Variants in AUTS2 observed in about 807,000 individuals in gnomAD.
AUTS2 encodes activator of transcription and developmental regulator AUTS2.
Under a neutral mutation model 112.4 loss-of-function variants are expected in AUTS2, and 17 were observed. The ratio of observed to expected loss-of-function variants is 0.15; its 90% CI spans 0.10 to 0.23. AUTS2 has a LOEUF of 0.23. Ranked by LOEUF, AUTS2 falls within the 10% of genes least tolerant of loss-of-function variation. The probability of loss-of-function intolerance (pLI) is 1.00; values close to 1 mark genes in which losing one functional copy is unlikely to be tolerated. For missense variants in AUTS2, 1,510 were observed against 1,701.6 expected (o/e 0.89, Z 1.98); for synonymous variants, 751 against 702.7 (o/e 1.07, Z -1.09).
At chr7:69,985,227 T>TC (rs1470693399) in intron 2 of AUTS2, among the ~76,000 whole-genome samples, 8 of 104,716 alleles carry the variant, frequency 7.6e-5, no homozygotes, top group African/African-American at 2.6e-4. Flanking sequence ...GAAGACTCTC[T>TC]AAAAAAAAAA....
chr7:70,791,574 T>C lies in AUTS2; in HGVS notation c.*578T>C, dbSNP rs1791965764. 1 of 152,680 alleles carries C rather than the reference T, an allele frequency of 6.5e-6. No homozygotes were observed. The highest frequency in any genetic ancestry group is 1.5e-5 in the Non-Finnish European group (1 of 68,054). 9.5% of individuals were successfully genotyped at this position (152,680 alleles called of 1,614,324 possible). On this transcript the variant is annotated 3_prime_UTR_variant, in exon 19 of 19. Coordinates refer to ENST00000342771, the MANE Select transcript of AUTS2 (RefSeq NM_015570.4). ...GCTAAAGCTGTGTTCCCATATATTG[T>C]TATAGACAGCTAAACCCTTCAACTA...
At chr7:70,583,142 T>A (rs1585331821) in intron 5 of AUTS2, among the ~76,000 whole-genome samples, 1 of 152,186 alleles carries the variant, frequency 6.6e-6, no homozygotes, top group African/African-American at 2.4e-5. Context: ...ATTAGCCTAG[T>A]CTCCAGAAGT....
chr7:70,357,136 G>C (rs1425536604), intron 4 of AUTS2, among the ~76,000 whole-genome samples: 1 of 152,158 alleles, frequency 6.6e-6, no homozygotes, highest in African/African-American at 2.4e-5. Flanking sequence ...ACTGGAGGCA[G>C]ATTTGGCAGG....
At chr7:69,897,594 A>AC (rs892289832) in intron 1 of AUTS2, among the ~76,000 whole-genome samples, 14 of 151,188 alleles carry the variant, frequency 9.3e-5, no homozygotes, top group Non-Finnish European at 1.5e-4. Context: ...ACAAAAAAAA[A>AC]AAAAAACAAA....
chr7:70,779,531 T>C (rs1790928153), intron 14 of AUTS2, among the ~76,000 whole-genome samples: 1 of 152,124 alleles, frequency 6.6e-6, no homozygotes, highest in Non-Finnish European at 1.5e-5. Context: ...GTAGGGGTGA[T>C]GGGTGAGTGG....
chr7:70,141,358 C>T (rs1355842036), intron 4 of AUTS2, among the ~76,000 whole-genome samples: 1 of 152,094 alleles, frequency 6.6e-6, no homozygotes, highest in Non-Finnish European at 1.5e-5. Flanking sequence ...AATACTCTTA[C>T]TTGGAGTTAG....
intron 1 of AUTS2, among the ~76,000 whole-genome samples, chr7:69,829,578 A>G (rs1027726770): frequency 2.0e-5 from 3 of 152,216 alleles, no homozygotes; most frequent in Admixed American, 6.5e-5. Flanking sequence ...GGCAGAGGGT[A>G]TGAACAGACA....
intron 4 of AUTS2, among the ~76,000 whole-genome samples, chr7:70,343,285 A>G (rs1317198599): frequency 1.3e-5 from 2 of 152,194 alleles, no homozygotes; most frequent in African/African-American, 2.4e-5. Context: ...GTTATGACCT[A>G]TCTGGTTTCC....
intron 5 of AUTS2, among the ~76,000 whole-genome samples, chr7:70,589,440 G>A (rs59548794): frequency 0.012 from 1,823 of 152,330 alleles, 31 homozygotes; most frequent in African/African-American, 0.039. Flanking sequence ...ATGGCCAGGT[G>A]CGGTGGCTTA....
intron 2 of AUTS2, among the ~76,000 whole-genome samples, chr7:69,981,437 T>A (rs1044224173): frequency 1.3e-5 from 2 of 152,226 alleles, no homozygotes; most frequent in African/African-American, 4.8e-5. Context: ...TGTATTTTTT[T>A]ATTTTGTATT....
At chr7:70,275,530 G>T (rs1160031773) in intron 4 of AUTS2, among the ~76,000 whole-genome samples, 1 of 152,100 alleles carries the variant, frequency 6.6e-6, no homozygotes, top group Non-Finnish European at 1.5e-5. Flanking sequence ...ACTTAAAAAT[G>T]GTTAGAATGG....
chr7:70,650,167 C>T (rs1395496189), intron 5 of AUTS2, among the ~76,000 whole-genome samples: 1 of 152,198 alleles, frequency 6.6e-6, no homozygotes, highest in African/African-American at 2.4e-5. Flanking sequence ...TTCTTCCTCA[C>T]GTACCTCTTT....
chr7:70,558,838 G>A (rs938584075), intron 5 of AUTS2, among the ~76,000 whole-genome samples: 8 of 152,184 alleles, frequency 5.3e-5, no homozygotes, highest in African/African-American at 1.9e-4. Flanking sequence ...ATATTCTTGT[G>A]GAGTGAAGCC....
intron 6 of AUTS2, among the ~76,000 whole-genome samples, chr7:70,744,716 T>C (rs1310763242): frequency 6.6e-6 from 1 of 152,218 alleles, no homozygotes; most frequent in East Asian, 1.9e-4. Flanking sequence ...GTCATTTTGC[T>C]TCTGACAGTG....
chr7:70,444,863 G>GAAAGACCAGTA (rs1796260537), intron 5 of AUTS2, among the ~76,000 whole-genome samples: 2 of 152,292 alleles, frequency 1.3e-5, no homozygotes, highest in Non-Finnish European at 2.9e-5. Flanking sequence ...AGTACTCAAG[G>GAAAGACCAGTA]AGCCCAGTTT....
intron 5 of AUTS2, among the ~76,000 whole-genome samples, chr7:70,575,430 G>A (rs970984098): frequency 4.0e-5 from 6 of 151,438 alleles, no homozygotes; most frequent in Non-Finnish European, 8.8e-5. Context: ...CCCACCCTCA[G>A]CCCCACCTTG....
rs567382754 is a variant in AUTS2 at position 69,918,010 on chromosome 7, T to A, written c.522+18512T>A. 5.7e-4 allele frequency among the ~76,000 whole-genome samples: 87 copies of A among 152,154 alleles called. 1 individual carries two copies. The highest frequency in any genetic ancestry group is 1.9e-3 in the African/African-American group (77 of 41,520). ...GGTGCCCGCCACCACACCTGGCTAA[T>A]TTTTGTATTTTTAGTAGAGACAGGG... is the stretch of plus-strand genomic sequence containing the variant. On this transcript the variant is annotated intron_variant, in intron 2 of 18. Coordinates refer to ENST00000342771, the MANE Select transcript of AUTS2 (RefSeq NM_015570.4).
chr7:70,790,470 A>G lies in AUTS2; in HGVS notation c.3254A>G (p.His1085Arg). ...LRDPYRELDI[H>R]RRDPLGRDFL... The stretch of plus-strand genomic sequence containing the variant: ...GATCCTTACCGAGAACTTGACATTC[A>G]CCGGAGAGACCCGCTGGGCAGGGAC... The change falls in exon 19 of 19, where the codon CAC becomes CGC. Residue 1085 changes from histidine (H) to arginine (R), a missense_variant. His to Arg is a conservative substitution (Grantham distance 29). Coordinates refer to ENST00000342771, the MANE Select transcript of AUTS2 (RefSeq NM_015570.4). This position sits in a 1 kb window ranked among gnomAD's most constrained non-coding sequence, Gnocchi z 7.6. The G allele has an allele frequency of 1.2e-6, 2 of 1,612,096 alleles. No homozygotes were observed. Among genetic ancestry groups the G allele is most frequent in the Non-Finnish European group, 1.7e-6 (2 of 1,179,148 alleles).
chr7:70,028,469 T>G (rs180682899), intron 2 of AUTS2, among the ~76,000 whole-genome samples: 1 of 152,316 alleles, frequency 6.6e-6, no homozygotes, highest in East Asian at 1.9e-4. Flanking sequence ...AAGTATTAAA[T>G]GAAGCCTCAG....
Sources: gnomAD v4.1 joint callset for allele counts (sites outside exome capture counted in the v4.1 genomes callset) on GRCh38, gnomAD v4.1.1 for gene constraint, Gnocchi (gnomAD v3.1) non-coding constraint, MANE v1.5 for transcripts, NCBI Gene and HGNC (gene_info 2026-07-23, HGNC 2026-07-21) for gene names.